The following PPME1 variants were observed in gnomAD, a reference collection of about 807,000 sequenced individuals.
The protein encoded by PPME1 is protein phosphatase methylesterase 1.
PPME1 carries 17 observed loss-of-function variants against 56.9 expected under a neutral mutation model. The observed-to-expected ratio is 0.30, with a 90% confidence interval of 0.20 to 0.45. The LOEUF is 0.45. PPME1 is among the 20% of genes least tolerant of loss of function. The pLI, the probability that PPME1 is intolerant of heterozygous loss-of-function variation, is 1.00. For synonymous variants in PPME1, 122 were observed against 156.2 expected, an observed-to-expected ratio of 0.78 and a Z score of 1.63; for missense variants, 357 against 483.2, an observed-to-expected ratio of 0.74 and a Z score of 2.45.
chr11:74,199,263 T>C (rs1858080640), intron 1 of PPME1, among the ~76,000 whole-genome samples: 1 of 152,212 alleles, frequency 6.6e-6, no homozygotes, highest in Non-Finnish European at 1.5e-5. Flanking sequence ...CCTTTGAACA[T>C]TCACTGCACT....
intron 1 of PPME1, among the ~76,000 whole-genome samples, chr11:74,187,275 A>C (rs1053273242): frequency 6.6e-6 from 1 of 152,214 alleles, no homozygotes; most frequent in African/African-American, 2.4e-5. Context: ...CAACGTCTGC[A>C]AAGAAACCAG....
chr11:74,218,268 GAGAA>G (rs1331800572), intron 3 of PPME1, among the ~76,000 whole-genome samples: 3 of 152,078 alleles, frequency 2.0e-5, no homozygotes, highest in Non-Finnish European at 4.4e-5. Flanking sequence ...ACACGAAAAA[GAGAA>G]AGATATTCCA....
chr11:74,187,038 T>G (rs1857702517), intron 1 of PPME1, among the ~76,000 whole-genome samples: 1 of 152,260 alleles, frequency 6.6e-6, no homozygotes, highest in Non-Finnish European at 1.5e-5. Flanking sequence ...GGCATCCTTG[T>G]CAAAAGTCAA....
At chr11:74,220,871 G>T (rs1355081829) in intron 3 of PPME1, among the ~76,000 whole-genome samples, 1 of 152,094 alleles carries the variant, frequency 6.6e-6, no homozygotes, top group African/African-American at 2.4e-5. Flanking sequence ...CCATAGATCT[G>T]CTCTGACTTT....
intron 9 of PPME1, among the ~76,000 whole-genome samples, chr11:74,245,654 A>T (rs1859484011): frequency 6.6e-6 from 1 of 152,100 alleles, no homozygotes; most frequent in Non-Finnish European, 1.5e-5. Context: ...TCCAGTAGTA[A>T]TCCTAACTTA....
intron 3 of PPME1, among the ~76,000 whole-genome samples, chr11:74,211,703 AAAAC>A (rs1386034840): frequency 6.6e-6 from 1 of 152,200 alleles, no homozygotes; most frequent in African/African-American, 2.4e-5. Context: ...ATATATGTGC[AAAAC>A]AAACTATAGG....
intron 1 of PPME1, 129 bp from the exon 2 acceptor site, chr11:74,203,599 C>T: frequency 3.8e-6 from 2 of 531,868 alleles, no homozygotes; most frequent in Admixed American, 7.2e-5. Context: ...TTGTGATGAA[C>T]TCTTTATATC....
intron 1 of PPME1, among the ~76,000 whole-genome samples, chr11:74,174,280 C>A (rs1857355806): frequency 3.3e-5 from 5 of 152,172 alleles, no homozygotes. Flanking sequence ...GGACTTGGGT[C>A]TCTTGACTGT....
At chr11:74,181,191 C>A (rs934956150) in intron 1 of PPME1, among the ~76,000 whole-genome samples, 1 of 151,692 alleles carries the variant, frequency 6.6e-6, no homozygotes, top group Non-Finnish European at 1.5e-5. Flanking sequence ...ACTACAGGCG[C>A]CTGCCACCGC....
chr11:74,210,674 C>T (rs1858449123), intron 3 of PPME1, among the ~76,000 whole-genome samples: 1 of 152,208 alleles, frequency 6.6e-6, no homozygotes, highest in African/African-American at 2.4e-5. Context: ...TTTGCACCTG[C>T]CAGCTACCCT....
chr11:74,226,319 AAC>A (rs1858930885), intron 5 of PPME1, among the ~76,000 whole-genome samples: 1 of 152,338 alleles, frequency 6.6e-6, no homozygotes, highest in East Asian at 1.9e-4. Context: ...TAGGTTGAAT[AAC>A]TGTATGAAGT....
At chr11:74,181,644 T>G (rs1857541581) in intron 1 of PPME1, among the ~76,000 whole-genome samples, 2 of 152,230 alleles carry the variant, frequency 1.3e-5, no homozygotes, top group South Asian at 4.1e-4. Context: ...AAATTTAATT[T>G]AATGGACACA....
chr11:74,180,415 G>T (rs80163117), intron 1 of PPME1, among the ~76,000 whole-genome samples: 2 of 152,080 alleles, frequency 1.3e-5, no homozygotes, highest in African/African-American at 4.8e-5. Flanking sequence ...ATTTAACCCC[G>T]TTCTATAAGA....
intron 1 of PPME1, among the ~76,000 whole-genome samples, chr11:74,180,698 A>G (rs78154604): frequency 0.018 from 2,755 of 152,324 alleles, 29 homozygotes; most frequent in Non-Finnish European, 0.029. Context: ...AAATTTGACA[A>G]TTTATGTCTT....
chr11:74,230,430 A>G lies in PPME1; in HGVS notation c.553+31A>G, dbSNP rs766345664. The G allele has an allele frequency of 1.2e-6, 2 of 1,607,980 alleles. No individual in the cohort carries two copies. The highest frequency in any genetic ancestry group is 1.7e-6 in the Non-Finnish European group (2 of 1,175,836). On this transcript the variant is annotated intron_variant, in intron 6 of 13. Coordinates refer to ENST00000328257, the MANE Select transcript of PPME1 (RefSeq NM_016147.3). The surrounding 1 kb of genome is among the most constrained non-coding windows in gnomAD (Gnocchi z 4.9). The stretch of plus-strand genomic sequence containing the variant: ...TTTTCTTAGCACTGACCAAATCAGG[A>G]TTTCACTTATAAGAGACATCCTTGG...
chr11:74,203,270 A>G (rs756072045), intron 1 of PPME1, among the ~76,000 whole-genome samples: 1 of 152,156 alleles, frequency 6.6e-6, no homozygotes, highest in Non-Finnish European at 1.5e-5. Context: ...AGCATGAAAG[A>G]GTATGGAGAA....
At position 74,232,712 on chromosome 11, in the gene PPME1, G is replaced by A. The variant is rs138361142; in HGVS notation, c.644+1710G>A. Among the ~76,000 whole-genome samples the A allele has an allele frequency of 7.6e-4, 104 of 136,782 alleles. No individual in the cohort carries two copies. The East Asian group carries it at 0.019, about 25-fold the overall frequency. 89.7% of individuals were successfully genotyped at this position (136,782 alleles called of 152,430 possible). On this transcript the variant is annotated intron_variant, in intron 7 of 13. Coordinates refer to ENST00000328257, the MANE Select transcript of PPME1 (RefSeq NM_016147.3). The stretch of plus-strand genomic sequence containing the variant: ...TTTTTTTGAGACAGGGTGTCACTCT[G>A]TTGCCCAGGCTGTGGAGTCCAGTGG...
At chr11:74,251,172 T>C in intron 12 of PPME1, 154 bp downstream of exon 12, 1 of 1,466,286 alleles carries the variant, frequency 6.8e-7, no homozygotes, top group East Asian at 2.5e-5. Flanking sequence ...AACTTCTCCC[T>C]GGCAGCTGCT....
intron 3 of PPME1, 104 bp downstream of exon 3, chr11:74,204,549 AT>A: frequency 4.1e-6 from 4 of 985,520 alleles, no homozygotes; most frequent in Non-Finnish European, 6.2e-6. Flanking sequence ...GGAAGCAGGA[AT>A]TGCTATTCCA....
Sources: allele counts gnomAD v4.1 joint callset (sites outside exome capture counted in the v4.1 genomes callset), GRCh38; gene constraint gnomAD v4.1.1; non-coding constraint Gnocchi (gnomAD v3.1); transcripts MANE v1.5; gene names NCBI Gene and HGNC (gene_info 2026-07-23, HGNC 2026-07-21).